GALNT8: variants seen among roughly 807,000 people sequenced by gnomAD.
The protein encoded by GALNT8 is polypeptide N-acetylgalactosaminyltransferase 8, also known as probable polypeptide N-acetylgalactosaminyltransferase 8.
A neutral mutation model predicts 62.7 loss-of-function variants in GALNT8; 66 were observed. That is an observed-to-expected ratio of 1.05 (90% CI 0.86 to 1.29). The LOEUF (loss-of-function observed/expected upper bound fraction) is 1.29, where lower values mean the gene tolerates loss of function less well. Among genes scored for constraint, GALNT8 ranks in the 50% most tolerant of loss-of-function variants. The probability of loss-of-function intolerance (pLI) is 0.00; values close to 1 mark genes in which losing one functional copy is unlikely to be tolerated. For synonymous variants in GALNT8, 288 were observed against 294.3 expected (o/e 0.98, Z 0.22); for missense variants, 771 against 791.8 (o/e 0.97, Z 0.32).
Position 4,726,310 on chromosome 12 carries a change from A to G in GALNT8, c.212-222A>G, listed in dbSNP as rs1304471131. Among the ~76,000 whole-genome samples the G allele has an allele frequency of 6.6e-6, 1 of 152,140 alleles. No individual in the cohort carries two copies. Among genetic ancestry groups the G allele is most frequent in the African/African-American group, 2.4e-5 (1 of 41,440 alleles). On this transcript the variant is annotated intron_variant, in intron 1 of 10. Transcript: ENST00000252318. This position sits in a 1 kb window ranked among gnomAD's most constrained non-coding sequence, Gnocchi z 4.1. ...GAAGATGTGGGATGGAGGAGTTTTG[A>G]TGGGGCTAAAGGGAGAGACGTATCT...
chr12:4,767,772 A>G (rs1053086016), intron 10 of GALNT8, among the ~76,000 whole-genome samples: 2 of 152,194 alleles, frequency 1.3e-5, no homozygotes, highest in Non-Finnish European at 2.9e-5. Flanking sequence ...GAAAACTACA[A>G]CAAGTTACTT....
chr12:4,763,148 G>A, intron 7 of GALNT8, 105 bp from the exon 8 acceptor site: 2 of 892,116 alleles, frequency 2.2e-6, no homozygotes, highest in Non-Finnish European at 3.6e-6. Flanking sequence ...CCGTCCACAA[G>A]GACTCACATG....
intron 10 of GALNT8, among the ~76,000 whole-genome samples, chr12:4,765,933 A>G (rs1275502229): frequency 1.3e-5 from 2 of 152,164 alleles, no homozygotes; most frequent in Non-Finnish European, 2.9e-5. Context: ...GGCACATGCC[A>G]CCATGCCCAG....
chr12:4,731,730 A>T (rs1008602810), intron 2 of GALNT8, among the ~76,000 whole-genome samples: 4 of 152,196 alleles, frequency 2.6e-5, no homozygotes, highest in Non-Finnish European at 4.4e-5. Flanking sequence ...TTTCGCATCT[A>T]TTGAGATGAT....
Position 4,720,498 on chromosome 12 carries a change from G to A in GALNT8, c.-180G>A. On this transcript the variant is annotated 5_prime_UTR_variant, in exon 1 of 11. Transcript: ENST00000252318. ...GGCATAAAGACAAAGAAGGCAATAA[G>A]GAGACTTTGCTCCTCAGAGGCCACC... 1.7e-6 allele frequency: 1 copy of A among 600,614 alleles called. No individual in the cohort carries two copies. The highest frequency in any genetic ancestry group is 3.0e-6 in the Non-Finnish European group (1 of 336,634). 37.2% of individuals were successfully genotyped at this position (600,614 alleles called of 1,614,324 possible).
chr12:4,736,186 G>A (rs1294902956), intron 2 of GALNT8, among the ~76,000 whole-genome samples: 1 of 152,088 alleles, frequency 6.6e-6, no homozygotes, highest in Non-Finnish European at 1.5e-5. Flanking sequence ...TTGCCAACCA[G>A]AACACAGATC....
intron 3 of GALNT8, among the ~76,000 whole-genome samples, chr12:4,744,145 T>G (rs1946284555): frequency 6.6e-6 from 1 of 152,216 alleles, no homozygotes; most frequent in Non-Finnish European, 1.5e-5. Flanking sequence ...GCTATGAAGA[T>G]GTTCCAGGCC....
At chr12:4,772,346 C>T (rs1273255662) in intron 10 of GALNT8, 99 bp from the exon 11 acceptor site, 1 of 1,089,192 alleles carries the variant, frequency 9.2e-7, no homozygotes, top group Non-Finnish European at 1.4e-6. Context: ...AGGGGTCCCT[C>T]AAGAATGTGG....
rs1188689362 is a variant in GALNT8 at position 4,741,656 on chromosome 12, A to AT, written c.676+2333dup. Among the ~76,000 whole-genome samples the AT allele has an allele frequency of 6.6e-5, 10 of 152,188 alleles. No individual in the cohort carries two copies. In the East Asian group the frequency reaches 1.9e-3, roughly 29 times the overall value. Reference sequence around the variant, plus strand: ...GGGTGTAGATAAGACTTAATTCAGGATTTTTTCCTGTGGAACAATGCAATA... The same window carrying AT: ...GGGTGTAGATAAGACTTAATTCAGGATTTTTTTCCTGTGGAACAATGCAATA... On this transcript the variant is annotated intron_variant, in intron 3 of 10. Coordinates refer to ENST00000252318, the MANE Select transcript of GALNT8 (RefSeq NM_017417.2).
intron 6 of GALNT8, among the ~76,000 whole-genome samples, chr12:4,754,945 G>A (rs1312139471): frequency 6.6e-6 from 1 of 152,158 alleles, no homozygotes; most frequent in Non-Finnish European, 1.5e-5. Flanking sequence ...TTCCTAGCCT[G>A]CTGTAACTGA....
At chr12:4,731,101 G>T (rs1191562370) in intron 2 of GALNT8, among the ~76,000 whole-genome samples, 3 of 151,972 alleles carry the variant, frequency 2.0e-5, no homozygotes, top group African/African-American at 4.8e-5. Context: ...CTCCCAAAGT[G>T]CTGGGATTAC....
chr12:4,746,118 A>C (rs763947429), intron 5 of GALNT8, 26 bp from the exon 6 acceptor site: 3 of 1,324,496 alleles, frequency 2.3e-6, no homozygotes, highest in Non-Finnish European at 3.3e-6. Context: ...TGGAGAGATT[A>C]GTGACTCTTG....
chr12:4,747,682 G>A (rs1475835400), intron 6 of GALNT8, among the ~76,000 whole-genome samples: 1 of 152,188 alleles, frequency 6.6e-6, no homozygotes, highest in Non-Finnish European at 1.5e-5. Context: ...AAACAAAAGA[G>A]TGCAGATATC....
intron 6 of GALNT8, among the ~76,000 whole-genome samples, chr12:4,748,156 C>T (rs768399271): frequency 4.6e-5 from 7 of 151,984 alleles, no homozygotes; most frequent in Non-Finnish European, 7.4e-5. Context: ...AATATTTTCT[C>T]CCATTTTGTG....
At chr12:4,733,031 A>G (rs1264711630) in intron 2 of GALNT8, among the ~76,000 whole-genome samples, 1 of 151,276 alleles carries the variant, frequency 6.6e-6, no homozygotes, top group Non-Finnish European at 1.5e-5. Flanking sequence ...AGGAGTGGCT[A>G]GAGATCTGTT....
chr12:4,761,799 T>C (rs1946374342), intron 7 of GALNT8, among the ~76,000 whole-genome samples: 2 of 152,126 alleles, frequency 1.3e-5, no homozygotes, highest in Non-Finnish European at 2.9e-5. Flanking sequence ...CTCGTGTCCC[T>C]GAGCTCTGGC....
chr12:4,731,402 C>T (rs1261606198), intron 2 of GALNT8, among the ~76,000 whole-genome samples: 1 of 152,140 alleles, frequency 6.6e-6, no homozygotes, highest in Non-Finnish European at 1.5e-5. Flanking sequence ...TTCTTTAGGG[C>T]TTTATATATA....
At chr12:4,730,181 AT>A (rs1157960558) in intron 2 of GALNT8, among the ~76,000 whole-genome samples, 6 of 151,366 alleles carry the variant, frequency 4.0e-5, no homozygotes, top group Non-Finnish European at 7.4e-5. Context: ...CATTCTTTTG[AT>A]TTTTTTCCTT....
chr12:4,761,084 G>C lies in GALNT8; in HGVS notation c.1300G>C (p.Glu434Gln). Residue 434 changes from glutamate (E) to glutamine (Q), a missense_variant, in exon 7 of 11, where the codon GAA becomes CAA. By Grantham distance (29) the Glu-to-Gln change is conservative. Transcript: ENST00000252318. ...ALKRNALRVAEIWMDEHKHMV... is the reference protein window; with the variant it reads ...ALKRNALRVAQIWMDEHKHMV... ...GAAGCGCAATGCTCTGCGAGTGGCC[G>C]AAATCTGGATGGATGAGCACAAACA... is the stretch of plus-strand genomic sequence containing the variant. 6.2e-7 allele frequency: 1 copy of C among 1,614,026 alleles called. No homozygotes were observed. The highest frequency in any genetic ancestry group is 1.1e-5 in the South Asian group (1 of 91,072).
Sources: gnomAD v4.1 joint callset for allele counts (sites outside exome capture counted in the v4.1 genomes callset) on GRCh38, gnomAD v4.1.1 for gene constraint, Gnocchi (gnomAD v3.1) non-coding constraint, MANE v1.5 for transcripts, NCBI Gene and HGNC (gene_info 2026-07-23, HGNC 2026-07-21) for gene names.